MARCHF6: variants seen among roughly 807,000 people sequenced by gnomAD.
MARCHF6 encodes the protein E3 ubiquitin-protein ligase MARCHF6.
MARCHF6 carries 31 observed loss-of-function variants against 133.7 expected under a neutral mutation model. That is an observed-to-expected ratio of 0.23 (90% CI 0.17 to 0.31). The LOEUF (loss-of-function observed/expected upper bound fraction) is 0.31, where lower values mean the gene tolerates loss of function less well. MARCHF6 is among the 10% of genes least tolerant of loss of function. The probability of loss-of-function intolerance (pLI) is 1.00; values close to 1 mark genes in which losing one functional copy is unlikely to be tolerated. For missense variants in MARCHF6, 723 were observed against 1,121.6 expected (o/e 0.64, Z 5.08); for synonymous variants, 395 against 402.5 (o/e 0.98, Z 0.22).
rs115258225 is a variant in MARCHF6, at chr5:10,425,712, A to G, written c.2374-678A>G. ...GCTGGTGAGGCAAGAGGAGAAGAAA[A>G]TAACAGCCTTCTAAGCCTTGTTTCT... On this transcript the variant is annotated intron_variant, in intron 23 of 25. Coordinates refer to ENST00000274140, the MANE Select transcript of MARCHF6 (RefSeq NM_005885.4). Among the ~76,000 whole-genome samples, 1,205 of 152,334 alleles carry G rather than the reference A, an allele frequency of 7.9e-3. 20 individuals carry two copies. The highest frequency in any genetic ancestry group is 0.027 in the African/African-American group (1,137 of 41,572).
chr5:10,389,505 C>G (rs191645212), intron 5 of MARCHF6, among the ~76,000 whole-genome samples: 361 of 152,172 alleles, frequency 2.4e-3, no homozygotes, highest in Non-Finnish European at 4.0e-3. Flanking sequence ...TGGGTTCAAG[C>G]GATTATCCTG....
intron 1 of MARCHF6, among the ~76,000 whole-genome samples, chr5:10,372,112 A>G (rs943230089): frequency 3.3e-5 from 5 of 152,044 alleles, no homozygotes; most frequent in African/African-American, 7.2e-5. Context: ...TCAAATGCCA[A>G]TTAATTACTT....
At chr5:10,393,075 G>GGCTC (rs1737971951) in intron 7 of MARCHF6, among the ~76,000 whole-genome samples, 1 of 151,254 alleles carries the variant, frequency 6.6e-6, no homozygotes, top group Non-Finnish European at 1.5e-5. Context: ...CTTTTTTTTT[G>GGCTC]AGACAAGGTT....
At chr5:10,378,021 C>A in intron 2 of MARCHF6, 127 bp downstream of exon 2, 2 of 582,342 alleles carry the variant, frequency 3.4e-6, no homozygotes, top group South Asian at 2.8e-5. Context: ...TTTTCCTGAG[C>A]ACAGGAAACT....
At chr5:10,388,378 T>A (rs1737614891) in intron 5 of MARCHF6, among the ~76,000 whole-genome samples, 1 of 152,224 alleles carries the variant, frequency 6.6e-6, no homozygotes, top group Admixed American at 6.5e-5. Context: ...AAATTTTACT[T>A]TAAATTTCCT....
chr5:10,394,062 A>C lies in MARCHF6; in HGVS notation c.767-20A>C, dbSNP rs758362752. 7.0e-7 allele frequency: 1 copy of C among 1,428,570 alleles called. No individual in the cohort carries two copies. The highest frequency in any genetic ancestry group is 9.4e-7 in the Non-Finnish European group (1 of 1,061,320). The allele number at this position is 1,428,570 out of a possible 1,614,324, so 88.5% of individuals were successfully genotyped here. ...TTATTTTTACTTCAAGTAATCTTTA[A>C]ATTGCAATTATATTTTCAGATGACA... is the stretch of plus-strand genomic sequence containing the variant. On this transcript the variant is annotated intron_variant, in intron 7 of 25. Coordinates refer to ENST00000274140, the MANE Select transcript of MARCHF6 (RefSeq NM_005885.4).
rs1285115324 is a variant in MARCHF6 at position 10,433,771 on chromosome 5, C to G, written c.*87C>G. 2 of 1,106,234 alleles carry G rather than the reference C, an allele frequency of 1.8e-6. No individual in the cohort carries two copies. The highest frequency in any genetic ancestry group is 1.5e-5 in the African/African-American group (1 of 64,644). The allele number at this position is 1,106,234 out of a possible 1,614,324, so 68.5% of individuals were successfully genotyped here. ...TTGGAGATTTTTCCCAGTGATCTCT[C>G]AGCGTTGTTTTTAAGTTAAATGTAT... is the stretch of plus-strand genomic sequence containing the variant. On this transcript the variant is annotated 3_prime_UTR_variant, in exon 26 of 26. Transcript: ENST00000274140.
At chr5:10,374,447 T>C (rs1736651165) in intron 1 of MARCHF6, among the ~76,000 whole-genome samples, 1 of 152,146 alleles carries the variant, frequency 6.6e-6, no homozygotes, top group Non-Finnish European at 1.5e-5. Flanking sequence ...AAGTGTGCAC[T>C]TGAAGAAAAT....
chr5:10,376,139 G>A (rs1736766720), intron 1 of MARCHF6, among the ~76,000 whole-genome samples: 1 of 152,104 alleles, frequency 6.6e-6, no homozygotes, highest in Admixed American at 6.5e-5. Flanking sequence ...TCCACACTGT[G>A]GAAGCTTTGT....
intron 1 of MARCHF6, among the ~76,000 whole-genome samples, chr5:10,355,010 G>A (rs1053212463): frequency 6.6e-6 from 1 of 151,948 alleles, no homozygotes; most frequent in Non-Finnish European, 1.5e-5. Flanking sequence ...ATGTACATTC[G>A]CGTTCCATCT....
At chr5:10,393,121 A>C (rs1003591067) in intron 7 of MARCHF6, among the ~76,000 whole-genome samples, 1 of 152,130 alleles carries the variant, frequency 6.6e-6, no homozygotes, top group Non-Finnish European at 1.5e-5. Context: ...GAGGGAGTAC[A>C]GTGGCAGGAA....
intron 1 of MARCHF6, among the ~76,000 whole-genome samples, chr5:10,358,448 T>G (rs991885534): frequency 6.6e-6 from 1 of 152,192 alleles, no homozygotes; most frequent in Non-Finnish European, 1.5e-5. Context: ...CAATGTCAGA[T>G]GGAAAATACT....
intron 24 of MARCHF6, among the ~76,000 whole-genome samples, chr5:10,426,827 G>A (rs1579621054): frequency 6.6e-6 from 1 of 152,160 alleles, no homozygotes; most frequent in Non-Finnish European, 1.5e-5. Flanking sequence ...TAGAAGTGCT[G>A]TGATCATATA....
intron 1 of MARCHF6, among the ~76,000 whole-genome samples, chr5:10,359,919 T>C (rs894334523): frequency 1.3e-5 from 2 of 151,872 alleles, no homozygotes; most frequent in South Asian, 4.1e-4. Context: ...GACAGGAGAA[T>C]GGCGTGAACG....
rs1480260972 is a variant in MARCHF6 at position 10,434,609 on chromosome 5, G to T, written c.*925G>T. 1 of 152,180 alleles carries T rather than the reference G, an allele frequency of 6.6e-6. No individual in the cohort carries two copies. The highest frequency in any genetic ancestry group is 1.5e-5 in the Non-Finnish European group (1 of 68,052). The allele number at this position is 152,180 out of a possible 1,614,324, so 9.4% of individuals were successfully genotyped here. A position where few individuals can be genotyped will look rare whatever the true frequency, so the allele number is the denominator to read the frequency against. On this transcript the variant is annotated 3_prime_UTR_variant, in exon 26 of 26. Coordinates refer to ENST00000274140, the MANE Select transcript of MARCHF6 (RefSeq NM_005885.4). ...TCAGAGTGACATCACCAACTGTACT[G>T]CATCTTACTGGATTTAGGACTTCTG...
In MARCHF6 at chr5:10,353,735, A is replaced by C; in HGVS notation, c.-164A>C. On this transcript the variant is annotated 5_prime_UTR_variant, in exon 1 of 26. Coordinates refer to ENST00000274140, the MANE Select transcript of MARCHF6 (RefSeq NM_005885.4). ...CCTCCCGTGTCGCTCGCTTTCTGTC[A>C]GCCTCTCTCCCTCTCCCTCTCCCCT... The C allele has an allele frequency of 4.3e-5, 11 of 256,356 alleles. No individual in the cohort carries two copies. Among genetic ancestry groups the C allele is most frequent in the Middle Eastern group, 5.0e-4 (1 of 1,992 alleles). 15.9% of individuals were successfully genotyped at this position (256,356 alleles called of 1,614,324 possible). A position where few individuals can be genotyped will look rare whatever the true frequency, so the allele number is the denominator to read the frequency against.
chr5:10,356,757 A>G (rs1460962528), intron 1 of MARCHF6, among the ~76,000 whole-genome samples: 1 of 152,186 alleles, frequency 6.6e-6, no homozygotes, highest in Non-Finnish European at 1.5e-5. Context: ...GAATGTTACA[A>G]ACACATCAAC....
chr5:10,391,436 GTTTTTTTT>G (rs35378319), intron 6 of MARCHF6, 98 bp from the exon 7 acceptor site: 42 of 306,374 alleles, frequency 1.4e-4, no homozygotes, highest in East Asian at 1.4e-4. Context: ...CCTGGCCTAG[GTTTTTTTT>G]TTTTTTTTTT....
Position 10,391,593 on chromosome 5 carries a change from A to G in MARCHF6, c.628A>G (p.Asn210Asp). The G allele has an allele frequency of 6.2e-7, 1 of 1,613,124 alleles. No homozygotes were observed. Among genetic ancestry groups the G allele is most frequent in the Non-Finnish European group, 8.5e-7 (1 of 1,179,572 alleles). Residue 210 changes from asparagine to aspartate, a missense_variant, in exon 7 of 26, where the codon AAC becomes GAC. Asn to Asp is a conservative substitution (Grantham distance 23, BLOSUM62 1). Around this residue, in one of 4 missense-constraint regions of MARCHF6, gnomAD observed 97 missense variants for 115.4 expected, o/e 0.84. Coordinates refer to ENST00000274140, the MANE Select transcript of MARCHF6 (RefSeq NM_005885.4). ...AAATGTTGCTGCTGATCAGCCTGCT[A>G]ACCCACCAGCTGAGAACGCAGTGGT... The part of the protein sequence containing the change: ...AENVAADQPA[N>D]PPAENAVVGE...
Sources: allele counts gnomAD v4.1 joint callset (sites outside exome capture counted in the v4.1 genomes callset), GRCh38; gene constraint gnomAD v4.1.1; regional missense constraint gnomAD v4.1.1; transcripts MANE v1.5; gene names NCBI Gene and HGNC (gene_info 2026-07-23, HGNC 2026-07-21).